Variants in SYNE1 observed in about 807,000 individuals in gnomAD.
The protein encoded by SYNE1 is spectrin repeat containing nuclear envelope protein 1.
SYNE1 carries 616 observed loss-of-function variants against 1,111.0 expected under a neutral mutation model. The ratio of observed to expected loss-of-function variants is 0.55; its 90% confidence interval spans 0.52 to 0.59. The LOEUF is 0.59. SYNE1 is among the 20% of genes least tolerant of loss of function. SYNE1 has a pLI of 0.00. For missense variants in SYNE1, 10,006 were observed against 10,417.0 expected, an observed-to-expected ratio of 0.96 and a Z score of 1.72; for synonymous variants, 3,855 against 3,825.8, an observed-to-expected ratio of 1.01 and a Z score of -0.28.
At chr6:152,310,953 G>T (rs2095528207) in intron 87 of SYNE1, 80 bp from the exon 88 acceptor site, 2 of 1,451,868 alleles carry the variant, frequency 1.4e-6, no homozygotes, top group African/African-American at 1.4e-5. Context: ...GGCATAAAAT[G>T]CCCTGTGTAA....
At position 152,597,083 on chromosome 6, in the gene SYNE1, A is replaced by T. The variant is rs868869015; in HGVS notation, c.67+31182T>A. Among the ~76,000 whole-genome samples the T allele has an allele frequency of 6.6e-5, 10 of 152,320 alleles. No individual in the cohort carries two copies. In the South Asian group the frequency reaches 2.1e-3, roughly 32 times the overall value. Reference sequence around the variant, plus strand: ...AGCATAAAAAATTTTTGTTAAATTGATATGAAGTGGTAGATTTCATTTACA... The same window carrying T: ...AGCATAAAAAATTTTTGTTAAATTGTTATGAAGTGGTAGATTTCATTTACA... On this transcript the variant is annotated intron_variant, in intron 3 of 145. Coordinates refer to ENST00000367255, the MANE Select transcript of SYNE1 (RefSeq NM_182961.4).
chr6:152,276,921 G>A (rs1437799708), intron 98 of SYNE1, among the ~76,000 whole-genome samples: 1 of 120,484 alleles, frequency 8.3e-6, no homozygotes, highest in Non-Finnish European at 1.6e-5. Context: ...GTCTCCCTCT[G>A]TCTCCCAGGC....
At chr6:152,594,286 C>T (rs999198524) in intron 3 of SYNE1, among the ~76,000 whole-genome samples, 1 of 152,140 alleles carries the variant, frequency 6.6e-6, no homozygotes, top group Non-Finnish European at 1.5e-5. Flanking sequence ...AAGAGAGGAA[C>T]GCTGAGGAGA....
At chr6:152,408,432 A>G (rs1253912572) in intron 44 of SYNE1, among the ~76,000 whole-genome samples, 1 of 152,208 alleles carries the variant, frequency 6.6e-6, no homozygotes, top group Non-Finnish European at 1.5e-5. Flanking sequence ...GTTATGGTGT[A>G]ATATTCTATA....
chr6:152,329,563 C>T (rs1011186894), intron 78 of SYNE1, among the ~76,000 whole-genome samples, 167 bp downstream of exon 78: 11 of 152,096 alleles, frequency 7.2e-5, no homozygotes, highest in East Asian at 1.9e-4. Context: ...CAAAACAAAA[C>T]GAAAAACAAT....
chr6:152,143,840 T>G, intron 137 of SYNE1, 75 bp from the exon 138 acceptor site: 1 of 1,605,462 alleles, frequency 6.2e-7, no homozygotes, highest in Non-Finnish European at 8.5e-7. Flanking sequence ...CAAGGAGAAG[T>G]TTCAGAAATG....
intron 46 of SYNE1, 45 bp downstream of exon 46, chr6:152,404,168 A>C: frequency 7.3e-7 from 1 of 1,378,976 alleles, no homozygotes; most frequent in Non-Finnish European, 1.0e-6. Context: ...TATGGTAGTA[A>C]TTACAAAATG....
At chr6:152,482,968 C>CGGAGA in intron 14 of SYNE1, 117 bp downstream of exon 14, 1 of 1,175,712 alleles carries the variant, frequency 8.5e-7, no homozygotes, top group Non-Finnish European at 1.3e-6. Context: ...TGTGACGTCT[C>CGGAGA]CGATCATGTA....
In SYNE1 at chr6:152,367,346, G is replaced by A; in HGVS notation, c.9844C>T (p.His3282Tyr). Reference sequence around the variant, plus strand: ...TTAATCCCAAGAGAGAACTGATTGTGTTCTGCAACGATTCTATCCAGTCTT... The same window carrying A: ...TTAATCCCAAGAGAGAACTGATTGTATTCTGCAACGATTCTATCCAGTCTT... ...VSRLDRIVAEHNQFSLGIKEL... is the reference protein window; with the variant it reads ...VSRLDRIVAEYNQFSLGIKEL... Residue 3282 changes from histidine to tyrosine, a missense_variant, in exon 62 of 146, where the codon CAC becomes TAC. Transcript: ENST00000367255. 1 of 1,614,160 alleles carries A rather than the reference G, an allele frequency of 6.2e-7. No homozygotes were observed. Among genetic ancestry groups the A allele is most frequent in the East Asian group, 2.2e-5 (1 of 44,882 alleles).
At position 152,176,422 on chromosome 6, in the gene SYNE1, G is replaced by A. The variant is rs367879264; in HGVS notation, c.23599C>T (p.Gln7867Ter). The A allele has an allele frequency of 1.2e-6, 2 of 1,614,142 alleles. No individual in the cohort carries two copies. Among genetic ancestry groups the A allele is most frequent in the Non-Finnish European group, 1.7e-6 (2 of 1,180,014 alleles). ...YKLGKVNDRW[Q>*]HLLDLIAARV... is the part of the protein sequence containing the mutation. The stretch of plus-strand genomic sequence containing the variant: ...GCTGCAATGAGGTCCAGGAGATGCT[G>A]CCACCGGTCGTTGACCTTTCCCAGC... Residue 7867 changes from glutamine to a stop codon, truncating the protein, a stop_gained, in exon 130 of 146, where the codon CAG (glutamine) becomes TAG (stop). Transcript: ENST00000367255. LOFTEE classifies it high-confidence loss of function.
At chr6:152,235,007 C>T (rs1230349299) in intron 110 of SYNE1, among the ~76,000 whole-genome samples, 1 of 152,152 alleles carries the variant, frequency 6.6e-6, no homozygotes, top group East Asian at 1.9e-4. Flanking sequence ...TGTCTTTAAG[C>T]TGGGTATAAA....
At chr6:152,151,353 C>T (rs1359783044) in intron 135 of SYNE1, among the ~76,000 whole-genome samples, 200 bp downstream of exon 135, 2 of 152,006 alleles carry the variant, frequency 1.3e-5, no homozygotes, top group Admixed American at 6.5e-5. Context: ...GAGCACTACC[C>T]AGATATAAGC....
intron 73 of SYNE1, 55 bp from the exon 74 acceptor site, chr6:152,344,282 G>C: frequency 6.2e-7 from 1 of 1,611,242 alleles, no homozygotes; most frequent in Non-Finnish European, 8.5e-7. Context: ...CCTCTATAAA[G>C]ATCATTCAAA....
In SYNE1 at chr6:152,353,619, G is replaced by A. The variant is rs202192000; in HGVS notation, c.11052C>T (p.Ser3684=). The A allele has an allele frequency of 2.5e-6, 4 of 1,614,210 alleles. No individual in the cohort carries two copies. In the African/African-American group the frequency reaches 4.0e-5, roughly 16 times the overall value. The change falls in exon 68 of 146, where the codon TCC becomes TCT. Residue 3684 remains serine (S), a synonymous_variant. Transcript: ENST00000367255. The part of the protein sequence containing the change: ...RMGCQATQLT[S]RYQALLLQVL... The stretch of plus-strand genomic sequence containing the variant: ...CTTGGAGAAGCAGGGCCTGGTATCT[G>A]GAAGTCAGCTGGGTGGCCTGGCAAC...
intron 2 of SYNE1, among the ~76,000 whole-genome samples, chr6:152,635,975 G>T (rs1007567386): frequency 6.6e-6 from 1 of 152,158 alleles, no homozygotes; most frequent in African/African-American, 2.4e-5. Flanking sequence ...CGTTTTGCAC[G>T]GATGCCTGCC....
chr6:152,515,221 C>CA (rs543960619), intron 6 of SYNE1, among the ~76,000 whole-genome samples: 5,699 of 100,640 alleles, frequency 0.057, 337 homozygotes, highest in African/African-American at 0.18. Flanking sequence ...GAGTCTGTCT[C>CA]AAAAAAAAAA....
At chr6:152,267,577 A>G (rs1297570741) in intron 100 of SYNE1, among the ~76,000 whole-genome samples, 1 of 152,092 alleles carries the variant, frequency 6.6e-6, no homozygotes, top group Non-Finnish European at 1.5e-5. Context: ...AAATTCTCCA[A>G]CTTCCTTAAT....
chr6:152,383,150 C>T (rs2097455626), intron 55 of SYNE1, among the ~76,000 whole-genome samples: 2 of 152,166 alleles, frequency 1.3e-5, no homozygotes, highest in Non-Finnish European at 2.9e-5. Flanking sequence ...GAGGCAGTTT[C>T]TGATAGTCTT....
intron 131 of SYNE1, among the ~76,000 whole-genome samples, chr6:152,161,981 T>G (rs187783823): frequency 3.3e-5 from 5 of 152,278 alleles, no homozygotes; most frequent in Non-Finnish European, 5.9e-5. Flanking sequence ...ATTTTTAACA[T>G]AGTGACTCTA....
Sources: allele counts gnomAD v4.1 joint callset (sites outside exome capture counted in the v4.1 genomes callset), GRCh38; gene constraint gnomAD v4.1.1; transcripts MANE v1.5; gene names NCBI Gene and HGNC (gene_info 2026-07-23, HGNC 2026-07-21).